The following DNAH14 variants were observed in gnomAD, a reference collection of about 807,000 sequenced individuals.
DNAH14 encodes axonemal beta dynein heavy chain 14.
Under a neutral mutation model 520.9 loss-of-function variants are expected in DNAH14, and 478 were observed. The observed-to-expected ratio is 0.92, with a 90% CI of 0.85 to 0.99. DNAH14 has a LOEUF of 0.99. Ranked by LOEUF, DNAH14 falls within the 50% of genes least tolerant of loss-of-function variation. The pLI is 0.00. For missense variants in DNAH14, 4,831 were observed against 5,234.5 expected (o/e 0.92, Z 2.38); for synonymous variants, 1,581 against 1,757.2 (o/e 0.90, Z 2.51).
chr1:225,242,328 G>A (rs899955604), intron 43 of DNAH14, among the ~76,000 whole-genome samples: 13 of 151,410 alleles, frequency 8.6e-5, no homozygotes, highest in African/African-American at 3.2e-4. Flanking sequence ...TGACTCCTTT[G>A]AAACAACACT....
intron 23 of DNAH14, among the ~76,000 whole-genome samples, chr1:225,104,661 G>T (rs1190718092): frequency 2.0e-5 from 3 of 152,152 alleles, no homozygotes; most frequent in African/African-American, 7.2e-5. Flanking sequence ...AGATTTTCTA[G>T]TTTATTTGCA....
At chr1:225,100,925 A>G (rs762878776) in intron 23 of DNAH14, 41 bp downstream of exon 23, 3 of 1,408,324 alleles carry the variant, frequency 2.1e-6, no homozygotes, top group South Asian at 2.9e-5. Context: ...TCATTTAACA[A>G]AAGTAAAGTA....
intron 21 of DNAH14, among the ~76,000 whole-genome samples, chr1:225,094,671 A>C (rs139781147): frequency 5.0e-5 from 5 of 100,638 alleles, no homozygotes; most frequent in African/African-American, 1.1e-4. Context: ...AAAAAAAAAA[A>C]AAAAAAACAA....
In DNAH14 at chr1:225,140,998, T is replaced by G. The variant is rs1296528721; in HGVS notation, c.4485T>G (p.Asn1495Lys). 1 of 1,548,798 alleles carries G rather than the reference T, an allele frequency of 6.5e-7. No individual in the cohort carries two copies. Among genetic ancestry groups the G allele is most frequent in the Admixed American group, 2.0e-5 (1 of 50,900 alleles). The change falls in exon 28 of 86, where the codon AAT becomes AAG. Residue 1495 changes from asparagine to lysine, a missense_variant. By Grantham distance (94) the Asn-to-Lys change is moderately conservative (BLOSUM62 0). Coordinates refer to ENST00000682510, the MANE Select transcript of DNAH14 (RefSeq NM_001367479.1). ...VINLLLKNIF[N>K]AEDFEWTRHL... ...ATTTACTACTTAAAAATATCTTCAATGCAGAGGATTTTGAGTGGACAAGGT... is the reference window on the plus strand; with the variant it reads ...ATTTACTACTTAAAAATATCTTCAAGGCAGAGGATTTTGAGTGGACAAGGT...
At chr1:225,207,884 A>G (rs1048495970) in intron 41 of DNAH14, among the ~76,000 whole-genome samples, 2 of 152,188 alleles carry the variant, frequency 1.3e-5, no homozygotes, top group African/African-American at 2.4e-5. Flanking sequence ...TAGGAGATAA[A>G]GTGGAAGAAA....
At chr1:224,985,451 TGGGGACTTGTG>T (rs145627073) in intron 8 of DNAH14, among the ~76,000 whole-genome samples, 6,335 of 152,044 alleles carry the variant, frequency 0.042, 217 homozygotes, top group Non-Finnish European at 0.061. Context: ...CAATGGACTT[TGGGGACTTGTG>T]GGGGAAGAGC....
chr1:224,930,657 G>C (rs1313352893), intron 1 of DNAH14, among the ~76,000 whole-genome samples: 1 of 152,118 alleles, frequency 6.6e-6, no homozygotes, highest in Non-Finnish European at 1.5e-5. Context: ...GAGTGCAGTG[G>C]CGCGACCTGG....
At chr1:225,264,035 TG>T (rs1304158583) in intron 46 of DNAH14, among the ~76,000 whole-genome samples, 161 bp from the exon 47 acceptor site, 1 of 152,112 alleles carries the variant, frequency 6.6e-6, no homozygotes, top group Non-Finnish European at 1.5e-5. Flanking sequence ...TAAGTTCTTA[TG>T]GTGACACTAA....
Position 225,140,663 on chromosome 1 carries a change from C to T in DNAH14, c.4255-105C>T. 3.2e-6 allele frequency: 3 copies of T among 936,624 alleles called. No homozygotes were observed. The South Asian group carries it at 6.2e-5, about 19-fold the overall frequency. The allele number at this position is 936,624 out of a possible 1,614,324, so 58.0% of individuals were successfully genotyped here. A position where few individuals can be genotyped will look rare whatever the true frequency, so the allele number is the denominator to read the frequency against. Reference sequence around the variant, plus strand: ...CTTACACAAACACTTACATACACACCACATAAACTTTATGAAAACATCCAT... The same window carrying T: ...CTTACACAAACACTTACATACACACTACATAAACTTTATGAAAACATCCAT... On this transcript the variant is annotated intron_variant, in intron 27 of 85. Transcript: ENST00000682510.
At chr1:225,268,693 C>CA (rs1264126138) in intron 49 of DNAH14, among the ~76,000 whole-genome samples, 1 of 152,136 alleles carries the variant, frequency 6.6e-6, no homozygotes. Flanking sequence ...AACAGACAAA[C>CA]AGAGAGCCAA....
At position 225,337,445 on chromosome 1, in the gene DNAH14, T is replaced by C. The variant is rs1291802816; in HGVS notation, c.10260T>C (p.Tyr3420=). 3.9e-6 allele frequency: 6 copies of C among 1,551,636 alleles called. No homozygotes were observed. The highest frequency in any genetic ancestry group is 2.4e-5 in the East Asian group (1 of 40,908). ...LQKLSIEDSN[Y]TKKIENAMKT... is the part of the protein sequence containing the mutation. ...AGCTCTCCATTGAAGACAGCAATTA[T>C]ACCAAAAAAATTGAAAATGCTATGA... Residue 3420 remains tyrosine (Y), a synonymous_variant, in exon 67 of 86, where the codon TAT becomes TAC. Transcript: ENST00000682510.
At chr1:225,155,077 C>G (rs1202561280) in intron 34 of DNAH14, among the ~76,000 whole-genome samples, 1 of 152,032 alleles carries the variant, frequency 6.6e-6, no homozygotes, top group Non-Finnish European at 1.5e-5. Context: ...TAAAATGACA[C>G]TGAAATTCTG....
chr1:225,184,976 G>T (rs1231386656), intron 36 of DNAH14, among the ~76,000 whole-genome samples: 2 of 151,954 alleles, frequency 1.3e-5, no homozygotes, highest in Non-Finnish European at 2.9e-5. Flanking sequence ...GTTAAATTAT[G>T]CCTCTTTGCT....
chr1:225,211,131 A>G (rs938883436), intron 41 of DNAH14, among the ~76,000 whole-genome samples: 3 of 152,230 alleles, frequency 2.0e-5, no homozygotes, highest in Non-Finnish European at 4.4e-5. Flanking sequence ...CCAGGAAGGC[A>G]ACAAAACTGA....
chr1:225,010,858 T>C (rs1232897249), intron 10 of DNAH14, among the ~76,000 whole-genome samples: 2 of 152,186 alleles, frequency 1.3e-5, no homozygotes, highest in East Asian at 3.8e-4. Flanking sequence ...ATCCATTTCC[T>C]CTAGATTTTC....
chr1:225,222,998 G>A (rs577626521), intron 41 of DNAH14, among the ~76,000 whole-genome samples: 97 of 152,264 alleles, frequency 6.4e-4, no homozygotes, highest in African/African-American at 2.3e-3. Flanking sequence ...GCCTAAAAAG[G>A]GAAGGGAGGA....
rs546867362 is a variant in DNAH14, at chr1:224,966,549, G to A, written c.499-882G>A. On this transcript the variant is annotated intron_variant, in intron 5 of 85. Transcript: ENST00000682510. Reference sequence around the variant, plus strand: ...AATGTGGAATGGCTGATTTTTCAATGCCAAGTGTGGGAGAGGCATTATAGT... The same window carrying A: ...AATGTGGAATGGCTGATTTTTCAATACCAAGTGTGGGAGAGGCATTATAGT... Among the ~76,000 whole-genome samples the A allele has an allele frequency of 6.9e-4, 105 of 152,192 alleles. 1 individual carries two copies. Among genetic ancestry groups the A allele is most frequent in the African/African-American group, 2.4e-3 (98 of 41,548 alleles).
At chr1:225,240,867 T>C in intron 43 of DNAH14, 45 bp downstream of exon 43, 1 of 1,321,422 alleles carries the variant, frequency 7.6e-7, no homozygotes, top group East Asian at 2.5e-5. Context: ...TTTTAAAATA[T>C]TAATTTAAAG....
At chr1:225,002,711 A>T (rs951841827) in intron 8 of DNAH14, 72 bp from the exon 9 acceptor site, 1 of 1,389,218 alleles carries the variant, frequency 7.2e-7, no homozygotes, top group Non-Finnish European at 9.9e-7. Flanking sequence ...ACTAAACCAC[A>T]CTACTTACCT....
Sources: gnomAD v4.1 joint callset for allele counts (sites outside exome capture counted in the v4.1 genomes callset) on GRCh38, gnomAD v4.1.1 for gene constraint, MANE v1.5 for transcripts, NCBI Gene and HGNC (gene_info 2026-07-23, HGNC 2026-07-21) for gene names.